Variants in GRM5 observed in about 807,000 individuals in gnomAD.
The protein encoded by GRM5 is glutamate metabotropic receptor 5.
Under a neutral mutation model 83.1 loss-of-function variants are expected in GRM5, and 19 were observed. That is an observed-to-expected ratio of 0.23 (90% CI 0.16 to 0.34). The LOEUF (loss-of-function observed/expected upper bound fraction) is 0.34, where lower values mean the gene tolerates loss of function less well. GRM5 is among the 10% of genes least tolerant of loss of function. The pLI, the probability that GRM5 is intolerant of heterozygous loss-of-function variation, is 1.00. For missense variants in GRM5, 1,160 were observed against 1,588.3 expected (o/e 0.73, Z 4.58); for synonymous variants, 675 against 633.6 (o/e 1.07, Z -0.98).
rs1941271798 is a variant in GRM5 at position 88,509,020 on chromosome 11, T to C, written c.3211A>G (p.Asn1071Asp). The C allele has an allele frequency of 6.4e-7, 1 of 1,571,044 alleles. No individual in the cohort carries two copies. The highest frequency in any genetic ancestry group is 1.4e-5 in the African/African-American group (1 of 74,058). The change falls in exon 10 of 10, where the codon AAC becomes GAC. Residue 1071 changes from asparagine (N) to aspartate (D), a missense_variant. Transcript: ENST00000305447. The stretch of plus-strand genomic sequence containing the variant: ...ATCATGGAGTTGAGCTCGCTGATGT[T>C]GGCCGTGAAGCGGGTGACCACACTG... ...ISSVVTRFTANISELNSMMLS... is the reference protein window; with the variant it reads ...ISSVVTRFTADISELNSMMLS...
chr11:88,886,388 T>G (rs1945045133), intron 2 of GRM5, among the ~76,000 whole-genome samples: 1 of 152,182 alleles, frequency 6.6e-6, no homozygotes, highest in African/African-American at 2.4e-5. Flanking sequence ...CCTTTTATTC[T>G]GAGGCCCTTG....
At chr11:89,057,422 C>G (rs755577971) in intron 1 of GRM5, among the ~76,000 whole-genome samples, 1 of 151,876 alleles carries the variant, frequency 6.6e-6, no homozygotes, top group Non-Finnish European at 1.5e-5. Flanking sequence ...AAAATATAGG[C>G]CATATTTTAA....
intron 3 of GRM5, among the ~76,000 whole-genome samples, chr11:88,821,785 A>G (rs1943800398): frequency 6.6e-6 from 1 of 152,138 alleles, no homozygotes; most frequent in Non-Finnish European, 1.5e-5. Context: ...AGTCTTCTCT[A>G]GCCACAAAAA....
chr11:89,047,861 C>T lies in GRM5; in HGVS notation c.12G>A (p.Leu4=), dbSNP rs201668084. 1.9e-6 allele frequency: 3 copies of T among 1,613,160 alleles called. No homozygotes were observed. The highest frequency in any genetic ancestry group is 2.7e-5 in the African/African-American group (2 of 74,894). The part of the protein sequence containing the change: MVL[L]LILSVLLLKE... Reference sequence around the variant, plus strand: ...TCAAAAGTAAGACTGACAGGATCAACAGAAGGACCATTTTAGGAAAGGAGT... The same window carrying T: ...TCAAAAGTAAGACTGACAGGATCAATAGAAGGACCATTTTAGGAAAGGAGT... Residue 4 remains leucine (L), a synonymous_variant, in exon 2 of 10, where the codon CTG becomes CTA. Transcript: ENST00000305447. This position sits in a 1 kb window ranked among gnomAD's most constrained non-coding sequence, Gnocchi z 5.1.
chr11:88,567,120 C>T lies in GRM5; in HGVS notation c.2563G>A (p.Ala855Thr), dbSNP rs376576529. The change falls in exon 8 of 10, where the codon GCA becomes ACA. Residue 855 changes from alanine (A) to threonine (T), a missense_variant. Physicochemically the swap from Ala to Thr is moderately conservative, Grantham distance 58. This residue lies in a region of GRM5 where 562 missense variants were observed against 532.4 expected (regional missense o/e 1.06). Coordinates refer to ENST00000305447, the MANE Select transcript of GRM5 (RefSeq NM_001143831.3). The surrounding 1 kb of genome is among the most constrained non-coding windows in gnomAD (Gnocchi z 7.3). ...MHVGDGKSSS[A>T]ASRSSSLVNL... Reference sequence around the variant, plus strand: ...ACTAGGCTGCTGGATCTGCTGGCTGCGGAGGATGACTTGCCATCCCCTACA... The same window carrying T: ...ACTAGGCTGCTGGATCTGCTGGCTGTGGAGGATGACTTGCCATCCCCTACA... 2.0e-5 allele frequency: 32 copies of T among 1,613,974 alleles called. No individual in the cohort carries two copies. Among genetic ancestry groups the T allele is most frequent in the East Asian group, 8.9e-5 (4 of 44,864 alleles).
chr11:88,609,542 A>C (rs1298343570), intron 4 of GRM5, among the ~76,000 whole-genome samples: 1 of 152,072 alleles, frequency 6.6e-6, no homozygotes, highest in Non-Finnish European at 1.5e-5. Context: ...CAGTAGTGGG[A>C]TTCATGTCTG....
rs1007323861 is a variant in GRM5, at chr11:89,047,127, A to G, written c.661+85T>C. 2 of 1,006,552 alleles carry G rather than the reference A, an allele frequency of 2.0e-6. No homozygotes were observed. Among genetic ancestry groups the G allele is most frequent in the Non-Finnish European group, 3.0e-6 (2 of 667,482 alleles). 62.4% of individuals were successfully genotyped at this position (1,006,552 alleles called of 1,614,324 possible). ...ACAATTCAAAATATCCAAAATAATT[A>G]GGAATAGTTTACTCTTCCCAAACCT... On this transcript the variant is annotated intron_variant, in intron 2 of 9. Transcript: ENST00000305447. The surrounding 1 kb of genome is among the most constrained non-coding windows in gnomAD (Gnocchi z 5.1).
intron 3 of GRM5, among the ~76,000 whole-genome samples, chr11:88,742,141 T>C (rs12789231): frequency 6.6e-6 from 1 of 151,944 alleles, no homozygotes; most frequent in Non-Finnish European, 1.5e-5. Context: ...TTCCTAATAA[T>C]AGGGATTAGA....
chr11:89,006,839 C>A (rs374853793), intron 2 of GRM5, among the ~76,000 whole-genome samples: 17 of 152,140 alleles, frequency 1.1e-4, no homozygotes, highest in African/African-American at 4.1e-4. Flanking sequence ...TCTCTGTCAC[C>A]CAGGCTGGAG....
chr11:88,630,538 T>TACACAC (rs1324098801), intron 4 of GRM5, among the ~76,000 whole-genome samples: 2 of 75,694 alleles, frequency 2.6e-5, no homozygotes, highest in African/African-American at 5.2e-5. Context: ...ACTAATGTAA[T>TACACAC]ACACACACAC....
intron 4 of GRM5, among the ~76,000 whole-genome samples, chr11:88,618,835 C>A (rs925584636): frequency 3.1e-4 from 47 of 152,102 alleles, no homozygotes; most frequent in African/African-American, 1.1e-3. Flanking sequence ...TTACTTTGTT[C>A]AACGATTATT....
At chr11:88,525,425 C>T (rs772297185) in intron 8 of GRM5, 21 bp from the exon 9 acceptor site, 2 of 1,410,600 alleles carry the variant, frequency 1.4e-6, no homozygotes, top group South Asian at 2.3e-5. Flanking sequence ...TGAACAAGGA[C>T]AGGAGCAAAC....
intron 3 of GRM5, among the ~76,000 whole-genome samples, chr11:88,710,728 A>G (rs1360447258): frequency 1.3e-5 from 2 of 151,902 alleles, no homozygotes; most frequent in Non-Finnish European, 2.9e-5. Context: ...GTGTGCATGC[A>G]TGCGTGTTTG....
chr11:88,859,086 T>A (rs553457403), intron 2 of GRM5, among the ~76,000 whole-genome samples: 37 of 152,144 alleles, frequency 2.4e-4, no homozygotes, highest in African/African-American at 7.5e-4. Context: ...CTCTTTTTTT[T>A]AAAACACTCT....
At chr11:88,742,398 T>C (rs1230061724) in intron 3 of GRM5, among the ~76,000 whole-genome samples, 1 of 152,112 alleles carries the variant, frequency 6.6e-6, no homozygotes, top group East Asian at 1.9e-4. Context: ...AAAAGGAAAC[T>C]TAAGACGGTA....
chr11:88,763,319 A>T (rs892609253), intron 3 of GRM5, among the ~76,000 whole-genome samples: 27 of 151,972 alleles, frequency 1.8e-4, no homozygotes, highest in Admixed American at 1.6e-3. Context: ...TAATAACTCA[A>T]AGCCATAAGA....
At chr11:88,884,731 T>C (rs1450004988) in intron 2 of GRM5, among the ~76,000 whole-genome samples, 1 of 152,134 alleles carries the variant, frequency 6.6e-6, no homozygotes, top group Non-Finnish European at 1.5e-5. Context: ...CTTGCGGTAG[T>C]GAATAAATCT....
intron 3 of GRM5, among the ~76,000 whole-genome samples, chr11:88,704,953 T>C (rs945974635): frequency 3.3e-5 from 5 of 152,080 alleles, no homozygotes. Context: ...CTCTTTTCCT[T>C]TATTTTGTAA....
intron 4 of GRM5, among the ~76,000 whole-genome samples, chr11:88,634,451 A>T (rs1591397484): frequency 6.6e-6 from 1 of 152,034 alleles, no homozygotes; most frequent in East Asian, 1.9e-4. Context: ...TTATTCCATA[A>T]TCTTTTCCTA....
Sources: allele counts gnomAD v4.1 joint callset (sites outside exome capture counted in the v4.1 genomes callset), GRCh38; gene constraint gnomAD v4.1.1; regional missense constraint gnomAD v4.1.1; non-coding constraint Gnocchi (gnomAD v3.1); transcripts MANE v1.5; gene names NCBI Gene and HGNC (gene_info 2026-07-23, HGNC 2026-07-21).